The following RBPMS variants were observed in gnomAD, a reference collection of about 807,000 sequenced individuals.
RBPMS encodes the protein RNA binding protein, mRNA processing factor.
In RBPMS, 7 loss-of-function variants were observed where a neutral mutation model predicts 26.8. That is an observed-to-expected ratio of 0.26 (90% CI 0.15 to 0.49). RBPMS has a LOEUF of 0.49. Among genes scored for constraint, RBPMS ranks in the 20% least tolerant of loss-of-function variants. The probability of loss-of-function intolerance (pLI) is 0.98; values close to 1 mark genes in which losing one functional copy is unlikely to be tolerated. For missense variants in RBPMS, 186 were observed against 250.0 expected, an observed-to-expected ratio of 0.74 and a Z score of 1.73; for synonymous variants, 96 against 93.3, an observed-to-expected ratio of 1.03 and a Z score of -0.17.
intron 6 of RBPMS, chr8:30,545,250 T>C (rs1646096331): frequency 1.6e-6 from 2 of 1,231,294 alleles, no homozygotes; most frequent in East Asian, 5.8e-5. Flanking sequence ...CCAGCTTTCT[T>C]TCTTAGTTAA....
intron 5 of RBPMS, among the ~76,000 whole-genome samples, chr8:30,533,415 TAGG>T (rs1300151565): frequency 1.3e-5 from 2 of 152,186 alleles, no homozygotes; most frequent in Non-Finnish European, 2.9e-5. Context: ...TGAATCAAAA[TAGG>T]AGAGTTTGGA....
chr8:30,563,362 A>G (rs1827647360), intron 7 of RBPMS, among the ~76,000 whole-genome samples: 1 of 152,216 alleles, frequency 6.6e-6, no homozygotes, highest in Admixed American at 6.5e-5. Flanking sequence ...TTTCCCAGAT[A>G]CACTGAGAAC....
intron 6 of RBPMS, chr8:30,558,592 G>C: frequency 2.0e-6 from 1 of 507,272 alleles, no homozygotes; most frequent in South Asian, 2.2e-5. Context: ...AGCCTCAAAT[G>C]GCTGCTAACC....
chr8:30,432,973 C>T (rs549048140), intron 1 of RBPMS, among the ~76,000 whole-genome samples: 6 of 152,292 alleles, frequency 3.9e-5, no homozygotes, highest in Non-Finnish European at 5.9e-5. Flanking sequence ...GACTTGAGTA[C>T]GTTCAACTGA....
intron 6 of RBPMS, chr8:30,549,429 C>T: frequency 1.5e-6 from 2 of 1,324,768 alleles, no homozygotes; most frequent in Non-Finnish European, 2.2e-6. Flanking sequence ...CTGCCCAAGG[C>T]CTTCCATTGT....
intron 1 of RBPMS, among the ~76,000 whole-genome samples, chr8:30,417,366 C>G (rs1810214095): frequency 6.6e-6 from 1 of 152,056 alleles, no homozygotes; most frequent in South Asian, 2.1e-4. Context: ...CTACTTAGTC[C>G]CAGATAACTG....
chr8:30,417,941 T>C (rs1026150411), intron 1 of RBPMS, among the ~76,000 whole-genome samples: 2 of 152,264 alleles, frequency 1.3e-5, no homozygotes, highest in African/African-American at 4.8e-5. Flanking sequence ...ACACGATATG[T>C]ACGTTGGTAT....
At chr8:30,527,983 C>CAAGACCAGAAG (rs1563413121) in intron 5 of RBPMS, among the ~76,000 whole-genome samples, 8 of 152,248 alleles carry the variant, frequency 5.3e-5, no homozygotes, top group South Asian at 2.1e-4. Flanking sequence ...CAAGACCAGC[C>CAAGACCAGAAG]TGGTCAACAT....
rs922659710 is a variant in RBPMS, at chr8:30,570,839, G to A, written c.*314G>A. 8 of 152,444 alleles carry A rather than the reference G, an allele frequency of 5.2e-5. No individual in the cohort carries two copies. Among genetic ancestry groups the A allele is most frequent in the African/African-American group, 1.4e-4 (6 of 41,442 alleles). 9.4% of individuals were successfully genotyped at this position (152,444 alleles called of 1,614,324 possible). On this transcript the variant is annotated 3_prime_UTR_variant, in exon 9 of 9. Transcript: ENST00000397323. Reference sequence around the variant, plus strand: ...GTTTGGAGATATTTTCAAACGAAACGTAAGAGAAGTCAACAATAAAACCAA... The same window carrying A: ...GTTTGGAGATATTTTCAAACGAAACATAAGAGAAGTCAACAATAAAACCAA...
chr8:30,550,923 ATC>A (rs1826309676), intron 6 of RBPMS, among the ~76,000 whole-genome samples: 3 of 152,214 alleles, frequency 2.0e-5, no homozygotes, highest in African/African-American at 7.2e-5. Flanking sequence ...CTGCAGCCTT[ATC>A]TCACTTTCCT....
In RBPMS at chr8:30,504,276, GT is replaced by G. The variant is rs778193611; in HGVS notation, c.247-7del. 5 of 1,613,978 alleles carry G rather than the reference GT, an allele frequency of 3.1e-6. No individual in the cohort carries two copies. The Admixed American group carries it at 8.3e-5, about 27-fold the overall frequency. On this transcript the variant is annotated splice_polypyrimidine_tract_variant and intron_variant, in intron 4 of 8. Transcript: ENST00000397323. ...TGAAAACATCTTCCATTTGTTCTCT[GT>G]TTCCAAAGGGCATCCGCTTCGATCC...
intron 5 of RBPMS, among the ~76,000 whole-genome samples, chr8:30,525,532 A>G (rs977233571): frequency 6.6e-6 from 1 of 152,246 alleles, no homozygotes; most frequent in Non-Finnish European, 1.5e-5. Context: ...CTCTGAAGTC[A>G]TCTAAAATTC....
intron 1 of RBPMS, 44 bp downstream of exon 1, chr8:30,385,202 A>G (rs1158638722): frequency 1.5e-6 from 2 of 1,372,272 alleles, no homozygotes; most frequent in Non-Finnish European, 1.9e-6. Flanking sequence ...CGCGGGACCC[A>G]GTGCGGGCGG....
rs753402190 is a variant in RBPMS at position 30,479,300 on chromosome 8, CT to C, written c.184-6del. 53 of 1,582,752 alleles carry C rather than the reference CT, an allele frequency of 3.3e-5. No homozygotes were observed. The highest frequency in any genetic ancestry group is 5.6e-5 in the South Asian group (5 of 89,492). On this transcript the variant is annotated splice_polypyrimidine_tract_variant and intron_variant, in intron 3 of 8. Transcript: ENST00000397323. The stretch of plus-strand genomic sequence containing the variant: ...TCTGATTTTTTTTCTTCATATTTCT[CT>C]TTTTTTTTCTCAGCCTGTAGGTTTT...
chr8:30,460,488 A>G (rs528992042), intron 1 of RBPMS, among the ~76,000 whole-genome samples: 9 of 152,284 alleles, frequency 5.9e-5, no homozygotes, highest in African/African-American at 1.9e-4. Flanking sequence ...ATATACATCT[A>G]TGCTCTGTGA....
chr8:30,390,138 C>CTGA (rs1807617905), intron 1 of RBPMS, among the ~76,000 whole-genome samples: 1 of 152,148 alleles, frequency 6.6e-6, no homozygotes, highest in Admixed American at 6.5e-5. Context: ...TATTTACTTT[C>CTGA]TGATGCCTTT....
chr8:30,549,794 C>CTCTCTCTCTCTCTCTCTCTCTCTCTG (rs1246392654), intron 6 of RBPMS, among the ~76,000 whole-genome samples: 2 of 103,898 alleles, frequency 1.9e-5, no homozygotes, highest in African/African-American at 9.1e-5. Context: ...CTCTCTCTCT[C>CTCTCTCTCTCTCTCTCTCTCTCTCTG]TCCCCTCTCT....
chr8:30,474,728 ACT>A (rs1271088963), intron 1 of RBPMS, 49 bp from the exon 2 acceptor site: 1 of 1,021,854 alleles, frequency 9.8e-7, no homozygotes, highest in Non-Finnish European at 1.5e-6. Context: ...GTGAGAGTTA[ACT>A]CTCTGGAGTG....
chr8:30,439,783 G>A (rs557641716), intron 1 of RBPMS, among the ~76,000 whole-genome samples: 157 of 152,120 alleles, frequency 1.0e-3, no homozygotes, highest in African/African-American at 3.7e-3. Flanking sequence ...TCCTGAGTAG[G>A]TATGAATATA....
Sources: gnomAD v4.1 joint callset for allele counts (sites outside exome capture counted in the v4.1 genomes callset) on GRCh38, gnomAD v4.1.1 for gene constraint, MANE v1.5 for transcripts, NCBI Gene and HGNC (gene_info 2026-07-23, HGNC 2026-07-21) for gene names.